Variants in NTM observed in about 807,000 individuals in gnomAD.
NTM encodes the protein IgLON family member 2.
In NTM, 13 loss-of-function variants were observed where a neutral mutation model predicts 42.1. The ratio of observed to expected loss-of-function variants is 0.31; its 90% CI spans 0.20 to 0.49. The LOEUF (loss-of-function observed/expected upper bound fraction) is 0.49, where lower values mean the gene tolerates loss of function less well. Ranked by LOEUF, NTM falls within the 20% of genes least tolerant of loss-of-function variation. NTM has a pLI of 0.99. For missense variants in NTM, 373 were observed against 452.8 expected, an observed-to-expected ratio of 0.82 and a Z score of 1.60; for synonymous variants, 187 against 179.2, an observed-to-expected ratio of 1.04 and a Z score of -0.35.
At chr11:131,392,480 G>C (rs541659963) in intron 1 of NTM, among the ~76,000 whole-genome samples, 5 of 152,350 alleles carry the variant, frequency 3.3e-5, no homozygotes, top group Non-Finnish European at 7.4e-5. Context: ...ATAGGCCTTA[G>C]CTGTCTATCA....
At chr11:132,234,198 A>G (rs2088257637) in intron 4 of NTM, among the ~76,000 whole-genome samples, 1 of 152,102 alleles carries the variant, frequency 6.6e-6, no homozygotes, top group Non-Finnish European at 1.5e-5. Context: ...TTCTGGTTCT[A>G]TCTATGGGGA....
chr11:131,371,320 G>A (rs1010932556), intron 1 of NTM, among the ~76,000 whole-genome samples: 4 of 152,208 alleles, frequency 2.6e-5, no homozygotes, highest in Non-Finnish European at 5.9e-5. Context: ...AACTTGCAAA[G>A]CTTTTAAAAG....
At chr11:131,371,055 A>G in intron 1 of NTM, 167 bp downstream of exon 1, 6 of 985,446 alleles carry the variant, frequency 6.1e-6, no homozygotes, top group Non-Finnish European at 7.2e-6. Context: ...GGCTGTGAGA[A>G]TATTGATTTG....
chr11:131,416,316 C>T (rs779899443), intron 1 of NTM, among the ~76,000 whole-genome samples: 4 of 152,018 alleles, frequency 2.6e-5, no homozygotes, highest in South Asian at 2.1e-4. Flanking sequence ...CTAGAGGGTA[C>T]GAATGGTAAA....
At chr11:131,864,894 A>G (rs2046982292) in intron 1 of NTM, among the ~76,000 whole-genome samples, 1 of 152,086 alleles carries the variant, frequency 6.6e-6, no homozygotes, top group South Asian at 2.1e-4. Context: ...CTGCCCTGTA[A>G]TGTTTCTGGG....
chr11:131,490,991 C>T (rs569242346), intron 1 of NTM, among the ~76,000 whole-genome samples: 1 of 152,252 alleles, frequency 6.6e-6, no homozygotes, highest in Admixed American at 6.5e-5. Flanking sequence ...AAGTGTCTCC[C>T]AGAAGTCACA....
At chr11:132,228,454 T>A (rs1036482613) in intron 4 of NTM, among the ~76,000 whole-genome samples, 10 of 152,188 alleles carry the variant, frequency 6.6e-5, no homozygotes, top group Admixed American at 1.3e-4. Context: ...TCCAAAATGC[T>A]CCTCTTCAGA....
intron 1 of NTM, among the ~76,000 whole-genome samples, chr11:131,380,454 G>A (rs1054296564): frequency 1.8e-4 from 28 of 151,984 alleles, no homozygotes; most frequent in Middle Eastern, 3.4e-3. Context: ...CAGGTGATCC[G>A]CCCGCCTCAG....
chr11:131,831,426 T>C (rs1196808858), intron 1 of NTM, among the ~76,000 whole-genome samples: 3 of 152,174 alleles, frequency 2.0e-5, no homozygotes, highest in African/African-American at 4.8e-5. Flanking sequence ...GATATACCCA[T>C]GTCCTCATGG....
intron 1 of NTM, among the ~76,000 whole-genome samples, chr11:131,673,491 GTCTT>G (rs2070784932): frequency 6.6e-6 from 1 of 152,222 alleles, no homozygotes; most frequent in African/African-American, 2.4e-5. Flanking sequence ...CAGTGTGTGT[GTCTT>G]TCTTCTTATC....
chr11:131,523,764 C>G (rs2136591267), intron 1 of NTM, among the ~76,000 whole-genome samples: 1 of 115,098 alleles, frequency 8.7e-6, no homozygotes, highest in South Asian at 2.8e-4. Flanking sequence ...GCCTGGCTGA[C>G]AGAGCGAGAC....
intron 3 of NTM, among the ~76,000 whole-genome samples, chr11:132,168,997 C>A (rs2075707829): frequency 1.1e-5 from 1 of 87,894 alleles, no homozygotes; most frequent in Non-Finnish European, 2.5e-5. Context: ...AAATGGTATG[C>A]AGAACTGATT....
intron 1 of NTM, among the ~76,000 whole-genome samples, chr11:131,807,556 A>T (rs2092560916): frequency 6.6e-6 from 1 of 152,210 alleles, no homozygotes; most frequent in Non-Finnish European, 1.5e-5. Context: ...CATCATCAGC[A>T]CAATAGTGCT....
chr11:131,854,750 G>A (rs1342340770), intron 1 of NTM, among the ~76,000 whole-genome samples: 1 of 152,182 alleles, frequency 6.6e-6, no homozygotes, highest in Non-Finnish European at 1.5e-5. Flanking sequence ...TTAATTTATT[G>A]TACAAATGCA....
intron 4 of NTM, among the ~76,000 whole-genome samples, chr11:132,224,242 G>A (rs1237270360): frequency 1.3e-5 from 2 of 152,088 alleles, no homozygotes; most frequent in Non-Finnish European, 2.9e-5. Context: ...CTCCCCTCAG[G>A]AAACAGCTGG....
intron 1 of NTM, among the ~76,000 whole-genome samples, chr11:131,627,225 T>C (rs535837743): frequency 5.5e-4 from 84 of 151,390 alleles, no homozygotes; most frequent in African/African-American, 2.0e-3. Flanking sequence ...TTTTATTTAT[T>C]TATTTTTTTT....
chr11:131,707,925 A>G lies in NTM; in HGVS notation c.83-203639A>G, dbSNP rs971083614. On this transcript the variant is annotated intron_variant, in intron 1 of 8. Coordinates refer to ENST00000683400, the MANE Select transcript of NTM (RefSeq NM_001352005.2). ...ACTGAAAGTTTTAGACAGAGCAATT[A>G]GGCAAGAAAAATAAATAAAAAGCAT... Among the ~76,000 whole-genome samples, 5 of 152,292 alleles carry G rather than the reference A, an allele frequency of 3.3e-5. No individual in the cohort carries two copies. The South Asian group carries it at 6.2e-4, about 19-fold the overall frequency.
At chr11:132,314,847 CAG>C (rs1303162789) in intron 7 of NTM, 144 bp downstream of exon 7, 13 of 1,385,756 alleles carry the variant, frequency 9.4e-6, no homozygotes, top group African/African-American at 2.9e-5. Flanking sequence ...GAGAGAGACA[CAG>C]AAAGAAATGG....
intron 1 of NTM, among the ~76,000 whole-genome samples, chr11:131,711,108 AT>A (rs2077076490): frequency 6.6e-6 from 1 of 152,218 alleles, no homozygotes; most frequent in Non-Finnish European, 1.5e-5. Context: ...AGCAATGGCA[AT>A]AAAAGACAAA....
Sources: gnomAD v4.1 joint callset for allele counts (sites outside exome capture counted in the v4.1 genomes callset) on GRCh38, gnomAD v4.1.1 for gene constraint, MANE v1.5 for transcripts, NCBI Gene and HGNC (gene_info 2026-07-23, HGNC 2026-07-21) for gene names.